SNRPN: variants seen among roughly 807,000 people sequenced by gnomAD.
SNRPN encodes small nuclear ribonucleoprotein-associated protein N.
Under a neutral mutation model 25.2 loss-of-function variants are expected in SNRPN, and 7 were observed. That is an observed-to-expected ratio of 0.28 (90% confidence interval 0.16 to 0.52). The LOEUF (loss-of-function observed/expected upper bound fraction) is 0.52, where lower values mean the gene tolerates loss of function less well. Among genes scored for constraint, SNRPN ranks in the 20% least tolerant of loss-of-function variants. SNRPN has a pLI of 0.96. For missense variants in SNRPN, 196 were observed against 322.5 expected (o/e 0.61, Z 3.00); for synonymous variants, 124 against 110.6 (o/e 1.12, Z -0.76).
chr15:24,855,769 G>A (rs1054678013), upstream of SNRPN, among the ~76,000 whole-genome samples: 3 of 140,324 alleles, frequency 2.1e-5, no homozygotes, highest in Admixed American at 1.5e-4. Context: ...TCCAGCCTGG[G>A]CAACAGAGCG....
At chr15:24,924,210 G>T (rs562161491) in intron 3 of SNRPN, among the ~76,000 whole-genome samples, 1 of 151,924 alleles carries the variant, frequency 6.6e-6, no homozygotes, top group Non-Finnish European at 1.5e-5. Context: ...TGAAAGAAAA[G>T]CGAATATCCC....
chr15:24,933,944 C>T (rs2061054415), intron 3 of SNRPN, among the ~76,000 whole-genome samples: 3 of 152,168 alleles, frequency 2.0e-5, no homozygotes, highest in Admixed American at 2.0e-4. Context: ...CAACCTGTGG[C>T]TAAATTTGGA....
At chr15:24,897,463 G>T (rs1383919410) in intron 2 of SNRPN, among the ~76,000 whole-genome samples, 1 of 152,116 alleles carries the variant, frequency 6.6e-6, no homozygotes, top group Non-Finnish European at 1.5e-5. Context: ...GTGTGTGCTT[G>T]TAGTCCTAGC....
intron 1 of SNRPN, among the ~76,000 whole-genome samples, chr15:24,958,096 T>C (rs1263436490): frequency 6.6e-6 from 1 of 152,230 alleles, no homozygotes; most frequent in African/African-American, 2.4e-5. Context: ...TTGATTTCAC[T>C]ATTCTATCTG....
intron 2 of SNRPN, among the ~76,000 whole-genome samples, chr15:24,832,146 C>G (rs905237172): frequency 3.3e-5 from 5 of 151,632 alleles, no homozygotes; most frequent in Admixed American, 6.6e-5. Flanking sequence ...CCTTTTCTCC[C>G]TATCTTTATC....
chr15:24,864,596 A>G (rs1234664635), intron 1 of SNRPN, among the ~76,000 whole-genome samples: 1 of 151,516 alleles, frequency 6.6e-6, no homozygotes, highest in African/African-American at 2.4e-5. Context: ...TGCCCACCTC[A>G]GCCTCCCAAA....
At chr15:24,972,873 G>A (rs941298216) in intron 3 of SNRPN, among the ~76,000 whole-genome samples, 1 of 151,866 alleles carries the variant, frequency 6.6e-6, no homozygotes, top group Admixed American at 6.6e-5. Flanking sequence ...TTTTCATTGT[G>A]CCTTCTCTCT....
chr15:24,826,400 C>T (rs1375548020), intron 1 of SNRPN, among the ~76,000 whole-genome samples: 1 of 152,090 alleles, frequency 6.6e-6, no homozygotes, highest in African/African-American at 2.4e-5. Context: ...TGCATGGCTG[C>T]CTCACATTCC....
chr15:24,976,226 T>TAA, intron 5 of SNRPN, 79 bp from the exon 6 acceptor site: 10 of 1,078,120 alleles, frequency 9.3e-6, no homozygotes, highest in Non-Finnish European at 1.4e-5. Context: ...TCTTAATTGA[T>TAA]ACTTGAGGTT....
intron 2 of SNRPN, among the ~76,000 whole-genome samples, chr15:24,846,427 C>T (rs1326486127): frequency 6.6e-6 from 1 of 151,994 alleles, no homozygotes; most frequent in Non-Finnish European, 1.5e-5. Flanking sequence ...AACATTTCTC[C>T]TTTATTTGAG....
intron 1 of SNRPN, among the ~76,000 whole-genome samples, chr15:24,957,852 T>A (rs1011229161): frequency 6.6e-6 from 1 of 152,162 alleles, no homozygotes; most frequent in Non-Finnish European, 1.5e-5. Flanking sequence ...CATTTTGTAG[T>A]CTTGCATTCA....
chr15:24,978,329 GC>G lies in SNRPN; in HGVS notation c.685+12del. ...CACCAGGCATTAGAGGTGAGTGGGA[GC>G]ATAGGGGTTTGATGGTTCAGCCAGG... On this transcript the variant is annotated intron_variant, in intron 9 of 9. Transcript: ENST00000390687. The G allele has an allele frequency of 6.2e-7, 1 of 1,614,066 alleles. No homozygotes were observed. Among genetic ancestry groups the G allele is most frequent in the Non-Finnish European group, 8.5e-7 (1 of 1,179,968 alleles).
chr15:24,897,607 C>T (rs2058156589), intron 2 of SNRPN, among the ~76,000 whole-genome samples: 2 of 152,268 alleles, frequency 1.3e-5, no homozygotes, highest in Admixed American at 1.3e-4. Context: ...TGTCTCCACC[C>T]AAATCTCACC....
At chr15:24,960,313 T>C (rs2074557861) in intron 1 of SNRPN, among the ~76,000 whole-genome samples, 1 of 152,180 alleles carries the variant, frequency 6.6e-6, no homozygotes, top group Non-Finnish European at 1.5e-5. Context: ...TTTACAAATA[T>C]TGTGGTGTCA....
At chr15:24,838,420 A>G (rs2051409830) in intron 2 of SNRPN, among the ~76,000 whole-genome samples, 1 of 152,132 alleles carries the variant, frequency 6.6e-6, no homozygotes. Context: ...CAACAAATAC[A>G]TACTGTCATG....
chr15:24,969,191 T>C (rs2076080404), intron 3 of SNRPN, among the ~76,000 whole-genome samples: 1 of 152,144 alleles, frequency 6.6e-6, no homozygotes, highest in Non-Finnish European at 1.5e-5. Context: ...TGCAGTGGTA[T>C]GGTTTCGGCT....
chr15:24,834,715 G>GTCCCTCTCTCTCTC (rs1555376580), intron 2 of SNRPN, among the ~76,000 whole-genome samples: 1 of 36,946 alleles, frequency 2.7e-5, no homozygotes. Flanking sequence ...GTGAGACCTT[G>GTCCCTCTCTCTCTC]TCTCTCTCTC....
chr15:24,884,379 T>C (rs1234259417), intron 1 of SNRPN, among the ~76,000 whole-genome samples: 1 of 152,148 alleles, frequency 6.6e-6, no homozygotes, highest in African/African-American at 2.4e-5. Flanking sequence ...CTGGTATTGA[T>C]TGTGCTTTTC....
At chr15:24,901,960 C>G (rs1481187176) in intron 2 of SNRPN, among the ~76,000 whole-genome samples, 1 of 152,170 alleles carries the variant, frequency 6.6e-6, no homozygotes, top group Non-Finnish European at 1.5e-5. Context: ...ATAGGCAAGA[C>G]AAGTTCTTTT....
Sources: gnomAD v4.1 joint callset for allele counts (sites outside exome capture counted in the v4.1 genomes callset) on GRCh38, gnomAD v4.1.1 for gene constraint, MANE v1.5 for transcripts, NCBI Gene and HGNC (gene_info 2026-07-23, HGNC 2026-07-21) for gene names.